Variants in FXR1 observed in about 807,000 individuals in gnomAD.
FXR1 encodes the protein RNA-binding protein FXR1.
In FXR1, 15 loss-of-function variants were observed where a neutral mutation model predicts 84.0. The observed-to-expected ratio is 0.18, with a 90% CI of 0.12 to 0.27. FXR1 has a LOEUF of 0.27. Among genes scored for constraint, FXR1 ranks in the 10% least tolerant of loss-of-function variants. The probability of loss-of-function intolerance (pLI) is 1.00; values close to 1 mark genes in which losing one functional copy is unlikely to be tolerated. For synonymous variants in FXR1, 245 were observed against 250.7 expected, an observed-to-expected ratio of 0.98 and a Z score of 0.21; for missense variants, 480 against 774.4, an observed-to-expected ratio of 0.62 and a Z score of 4.51.
At chr3:180,950,699 C>G (rs1393135434) in intron 7 of FXR1, among the ~76,000 whole-genome samples, 2 of 152,058 alleles carry the variant, frequency 1.3e-5, no homozygotes, top group Admixed American at 1.3e-4. Context: ...ATAAATTTGA[C>G]TATTTTAGAT....
rs1478590342 is a variant in FXR1, at chr3:180,980,905, C to T, written c.*4613C>T. ...CAGGATACTTTACATAACCAAAAACCTAGGAGAGCATTCTACATTGTAATT... is the reference window on the plus strand; with the variant it reads ...CAGGATACTTTACATAACCAAAAACTTAGGAGAGCATTCTACATTGTAATT... On this transcript the variant is annotated 3_prime_UTR_variant, in exon 17 of 17. Transcript: ENST00000357559. The T allele has an allele frequency of 1.3e-5, 2 of 151,838 alleles. No individual in the cohort carries two copies. Among genetic ancestry groups the T allele is most frequent in the African/African-American group, 4.8e-5 (2 of 41,318 alleles). 9.4% of individuals were successfully genotyped at this position (151,838 alleles called of 1,614,324 possible).
chr3:180,921,437 CT>C (rs566655712), intron 1 of FXR1, among the ~76,000 whole-genome samples: 1 of 150,886 alleles, frequency 6.6e-6, no homozygotes, highest in South Asian at 2.1e-4. Flanking sequence ...AATTTGCAGA[CT>C]TTTTGAATTT....
intron 1 of FXR1, among the ~76,000 whole-genome samples, chr3:180,919,034 A>G (rs1302754630): frequency 1.3e-5 from 2 of 152,208 alleles, no homozygotes; most frequent in African/African-American, 2.4e-5. Context: ...TTGCCACATT[A>G]TTACTAATTT....
chr3:180,927,670 A>C, intron 1 of FXR1: 1 of 532,398 alleles, frequency 1.9e-6, no homozygotes, highest in East Asian at 3.3e-5. Context: ...CCCGTCTAAA[A>C]AAAAATGAGT....
rs902994017 is a variant in FXR1, at chr3:180,963,212, G to T, written c.1198+122G>T. 3 of 598,046 alleles carry T rather than the reference G, an allele frequency of 5.0e-6. No individual in the cohort carries two copies. The African/African-American group carries it at 5.6e-5, about 11-fold the overall frequency. The allele number at this position is 598,046 out of a possible 1,614,324, so 37.0% of individuals were successfully genotyped here. On this transcript the variant is annotated intron_variant, in intron 13 of 16. Transcript: ENST00000357559. ...TCTGTCTTGGCTTTGAGGGTAGAAG[G>T]TAGTTCTGAAGGTTTAGTACACGTC...
Position 180,966,814 on chromosome 3 carries a change from G to A in FXR1, c.1199-1237G>A, listed in dbSNP as rs1712892764. ...AGAATTTGAACTAGGCCCTGAAGGAGATATATTTGGTCATATAAGAGGGAA... is the reference window on the plus strand; with the variant it reads ...AGAATTTGAACTAGGCCCTGAAGGAAATATATTTGGTCATATAAGAGGGAA... On this transcript the variant is annotated intron_variant, in intron 13 of 16. Transcript: ENST00000357559. Among the ~76,000 whole-genome samples the A allele has an allele frequency of 3.9e-5, 6 of 152,088 alleles. No individual in the cohort carries two copies. In the South Asian group the frequency reaches 1.2e-3, roughly 32 times the overall value.
intron 2 of FXR1, among the ~76,000 whole-genome samples, chr3:180,933,635 C>T (rs1720190418): frequency 6.6e-6 from 1 of 152,114 alleles, no homozygotes; most frequent in Non-Finnish European, 1.5e-5. Flanking sequence ...AAATAGATGG[C>T]ACAAATTAGA....
chr3:180,932,066 T>C (rs1403657724), intron 1 of FXR1, among the ~76,000 whole-genome samples: 2 of 48,230 alleles, frequency 4.1e-5, no homozygotes, highest in African/African-American at 6.0e-5. Context: ...CCATTTACTT[T>C]GTAAGTTTCA....
chr3:180,932,770 G>A (rs2108443286), intron 1 of FXR1, among the ~76,000 whole-genome samples: 1 of 152,292 alleles, frequency 6.6e-6, no homozygotes, highest in East Asian at 1.9e-4. Context: ...ATTCAAAATG[G>A]AGTCATGCAT....
chr3:180,919,247 A>G (rs1718259539), intron 1 of FXR1, among the ~76,000 whole-genome samples: 1 of 151,950 alleles, frequency 6.6e-6, no homozygotes, highest in Admixed American at 6.6e-5. Flanking sequence ...AGAATTAAAA[A>G]AAAATGTGAA....
In FXR1 at chr3:180,970,344, A is replaced by G. The variant is rs760263256; in HGVS notation, c.1589A>G (p.Asn530Ser). 5 of 1,513,608 alleles carry G rather than the reference A, an allele frequency of 3.3e-6. No homozygotes were observed. Among genetic ancestry groups the G allele is most frequent in the East Asian group, 2.3e-5 (1 of 42,562 alleles). 93.8% of individuals were successfully genotyped at this position (1,513,608 alleles called of 1,614,324 possible). Residue 530 changes from asparagine to serine, a missense_variant, in exon 15 of 17, where the codon AAT (asparagine) becomes AGT (serine). By Grantham distance (46) the Asn-to-Ser change is conservative (BLOSUM62 1). Coordinates refer to ENST00000357559, the MANE Select transcript of FXR1 (RefSeq NM_005087.4). ...ACTGAATCTGATACAGCTTCAGTTA[A>G]TGAAAATGGGCTAGGTATGTAAGCA... ...GMTESDTASVNENGLVTVADY... is the reference protein window; with the variant it reads ...GMTESDTASVSENGLVTVADY...
chr3:180,935,272 G>T (rs1720391446), intron 3 of FXR1, 41 bp downstream of exon 3: 2 of 871,546 alleles, frequency 2.3e-6, no homozygotes, highest in Non-Finnish European at 3.8e-6. Context: ...CTATTTTTTT[G>T]ATTTAAATAA....
intron 3 of FXR1, among the ~76,000 whole-genome samples, chr3:180,943,127 C>T (rs914014745): frequency 4.6e-5 from 7 of 151,854 alleles, no homozygotes; most frequent in East Asian, 1.9e-4. Context: ...CCACCATGCC[C>T]GGCTAATTTT....
chr3:180,959,977 T>A (rs535035087), intron 10 of FXR1, among the ~76,000 whole-genome samples: 2 of 152,262 alleles, frequency 1.3e-5, no homozygotes, highest in African/African-American at 4.8e-5. Context: ...CCTAAACCAT[T>A]CTGTTTAACT....
chr3:180,931,704 A>T (rs1156680930), intron 1 of FXR1, among the ~76,000 whole-genome samples: 2 of 150,764 alleles, frequency 1.3e-5, no homozygotes, highest in Admixed American at 6.6e-5. Context: ...AAAATGTCTA[A>T]CACAGAGTAT....
intron 1 of FXR1, among the ~76,000 whole-genome samples, chr3:180,926,322 C>G (rs1244982189): frequency 1.3e-5 from 2 of 151,876 alleles, no homozygotes; most frequent in East Asian, 3.9e-4. Flanking sequence ...CCTTTTGCTT[C>G]CTTAAGAGAA....
chr3:180,940,578 C>CTGTTTTG (rs1221090080), intron 3 of FXR1, among the ~76,000 whole-genome samples: 2 of 128,380 alleles, frequency 1.6e-5, no homozygotes, highest in Non-Finnish European at 3.4e-5. Context: ...TTGTTTTTTT[C>CTGTTTTG]TGTTTTCTTT....
At chr3:180,929,214 G>A (rs1394377713) in intron 1 of FXR1, among the ~76,000 whole-genome samples, 1 of 152,064 alleles carries the variant, frequency 6.6e-6, no homozygotes, top group Non-Finnish European at 1.5e-5. Flanking sequence ...CTAATTTATG[G>A]CATTTTTAGT....
At chr3:180,926,196 A>C (rs1478938299) in intron 1 of FXR1, among the ~76,000 whole-genome samples, 1 of 152,150 alleles carries the variant, frequency 6.6e-6, no homozygotes, top group Admixed American at 6.5e-5. Flanking sequence ...ATTTCATGCC[A>C]GCGATTCATG....
Sources: allele counts gnomAD v4.1 joint callset (sites outside exome capture counted in the v4.1 genomes callset), GRCh38; gene constraint gnomAD v4.1.1; transcripts MANE v1.5; gene names NCBI Gene and HGNC (gene_info 2026-07-23, HGNC 2026-07-21).